KLF8: variants seen among roughly 807,000 people sequenced by gnomAD.
KLF8 encodes the protein KLF transcription factor 8.
A neutral mutation model predicts 18.2 loss-of-function variants in KLF8; 10 were observed. The observed-to-expected ratio is 0.55, with a 90% confidence interval of 0.34 to 0.93. The LOEUF (loss-of-function observed/expected upper bound fraction) is 0.93. Ranked by LOEUF, KLF8 falls within the 40% of genes least tolerant of loss-of-function variation. The probability of loss-of-function intolerance (pLI) is 0.02; values close to 1 mark genes in which losing one functional copy is unlikely to be tolerated. For missense variants in KLF8, 264 were observed against 277.9 expected, an observed-to-expected ratio of 0.95 and a Z score of 0.36; for synonymous variants, 109 against 97.3, an observed-to-expected ratio of 1.12 and a Z score of -0.71.
At chrX:56,042,362 G>A in the KLF8 span, among the ~76,000 whole-genome samples, 1 of 111,363 alleles carries the variant, frequency 9.0e-6, no homozygotes, top group Non-Finnish European at 1.9e-5. Context: ...GATTTGGGGT[G>A]GAGAGTTCTG....
the KLF8 span, among the ~76,000 whole-genome samples, chrX:55,981,963 C>A: frequency 9.0e-6 from 1 of 110,880 alleles, no homozygotes; most frequent in Non-Finnish European, 1.9e-5. Context: ...GGCTTTAGGG[C>A]TTTTTTTCTG....
the KLF8 span, among the ~76,000 whole-genome samples, chrX:56,168,065 A>G: frequency 9.0e-6 from 1 of 111,637 alleles, no homozygotes; most frequent in Non-Finnish European, 1.9e-5. Context: ...AAAGAACACA[A>G]TTTTTTCCAA....
At chrX:56,025,208 C>G in the KLF8 span, among the ~76,000 whole-genome samples, 3 of 112,625 alleles carry the variant, frequency 2.7e-5, no homozygotes, top group African/African-American at 9.7e-5. Context: ...ATCTCAGGTA[C>G]TGGCACATTT....
the KLF8 span, among the ~76,000 whole-genome samples, chrX:56,038,945 A>T: frequency 8.9e-6 from 1 of 111,882 alleles, no homozygotes; most frequent in Non-Finnish European, 1.9e-5. Context: ...TTTCATTTGC[A>T]TTTCTCTAAT....
chrX:56,185,631 C>T, the KLF8 span, among the ~76,000 whole-genome samples: 7 of 111,872 alleles, frequency 6.3e-5, 1 homozygote, highest in African/African-American at 2.3e-4. Context: ...AGAGAAAGGT[C>T]GAGTTACCTA....
chrX:56,175,313 T>C, the KLF8 span, among the ~76,000 whole-genome samples: 1 of 112,101 alleles, frequency 8.9e-6, no homozygotes, highest in Non-Finnish European at 1.9e-5. Flanking sequence ...TTCTTGTTGG[T>C]TTCAAAGAAC....
At chrX:55,945,334 A>T in the KLF8 span, among the ~76,000 whole-genome samples, 2 of 111,336 alleles carry the variant, frequency 1.8e-5, no homozygotes, top group East Asian at 5.6e-4. Context: ...AGTTCTGTAG[A>T]TGCCTATTAG....
chrX:56,085,363 A>C, the KLF8 span, among the ~76,000 whole-genome samples: 1 of 112,228 alleles, frequency 8.9e-6, no homozygotes, highest in Non-Finnish European at 1.9e-5. Context: ...CCAGCAGTGT[A>C]GTTCAAAGGC....
Position 56,235,414 on chromosome X carries a change from T to C in KLF8, c.7+2073T>C, listed in dbSNP as rs746965434. Among the ~76,000 whole-genome samples, 5 of 45,155 alleles carry C rather than the reference T, an allele frequency of 1.1e-4. No individual in the cohort carries two copies. The East Asian group carries it at 4.1e-3, about 37-fold the overall frequency. The allele number at this position is 45,155 out of a possible 115,157, so 39.2% of individuals were successfully genotyped here. A position where few individuals can be genotyped will look rare whatever the true frequency, so the allele number is the denominator to read the frequency against. Reference sequence around the variant, plus strand: ...GTGAGATCATGTTTGGTATTCTTCCTGATTTTTTTTTTTTTTTTTGACACG... The same window carrying C: ...GTGAGATCATGTTTGGTATTCTTCCCGATTTTTTTTTTTTTTTTTGACACG... On this transcript the variant is annotated intron_variant, in intron 1 of 5. Transcript: ENST00000468660.
chrX:56,128,844 A>T, the KLF8 span, among the ~76,000 whole-genome samples: 31 of 112,579 alleles, frequency 2.8e-4, no homozygotes, highest in Non-Finnish European at 4.9e-4. Flanking sequence ...GTTGGTGTGC[A>T]AATGTAGCTG....
At chrX:55,989,088 T>C in the KLF8 span, among the ~76,000 whole-genome samples, 3 of 112,107 alleles carry the variant, frequency 2.7e-5, no homozygotes, top group Admixed American at 1.9e-4. Context: ...CCTATCAGCT[T>C]AAGGAGATTT....
At chrX:55,929,974 G>A in the KLF8 span, among the ~76,000 whole-genome samples, 1 of 110,471 alleles carries the variant, frequency 9.1e-6, no homozygotes, top group East Asian at 2.8e-4. Flanking sequence ...ACCTTGGGCA[G>A]TATGGCCATT....
At chrX:56,054,508 A>G in the KLF8 span, among the ~76,000 whole-genome samples, 2 of 112,084 alleles carry the variant, frequency 1.8e-5, no homozygotes, top group African/African-American at 6.5e-5. Flanking sequence ...AATTATGATT[A>G]CATGATTGAT....
chrX:56,160,294 G>A, the KLF8 span, among the ~76,000 whole-genome samples: 13 of 111,813 alleles, frequency 1.2e-4, no homozygotes, highest in African/African-American at 4.2e-4. Context: ...TTGCTAAGGA[G>A]ACCTTTACTT....
the KLF8 span, among the ~76,000 whole-genome samples, chrX:56,082,860 C>T: frequency 2.7e-5 from 3 of 111,820 alleles, no homozygotes; most frequent in South Asian, 1.1e-3. Flanking sequence ...TATCATTTTG[C>T]TGTCTTCTCG....
chrX:56,185,173 G>T, the KLF8 span, among the ~76,000 whole-genome samples: 1 of 112,101 alleles, frequency 8.9e-6, no homozygotes, highest in Non-Finnish European at 1.9e-5. Context: ...ACGGAGAAGT[G>T]GTTAAAGCAG....
At chrX:56,091,361 C>A in the KLF8 span, among the ~76,000 whole-genome samples, 6 of 110,232 alleles carry the variant, frequency 5.4e-5, no homozygotes, top group South Asian at 8.1e-4. Context: ...TGAGGCCTCC[C>A]CAGCCGTGTG....
the KLF8 span, among the ~76,000 whole-genome samples, chrX:55,971,100 G>A: frequency 3.6e-5 from 4 of 111,120 alleles, no homozygotes; most frequent in African/African-American, 9.8e-5. Context: ...ACCTAGAATA[G>A]CCAAAGTCAT....
At chrX:56,164,729 C>CTTTTTTTTTTTTTTTTT in the KLF8 span, among the ~76,000 whole-genome samples, 1 of 51,920 alleles carries the variant, frequency 1.9e-5, no homozygotes, top group African/African-American at 8.6e-5. Flanking sequence ...CTTGTTATCT[C>CTTTTTTTTTTTTTTTTT]TTTTTTTTTT....
Sources: gnomAD v4.1 joint callset for allele counts (sites outside exome capture counted in the v4.1 genomes callset) on GRCh38, gnomAD v4.1.1 for gene constraint, MANE v1.5 for transcripts, NCBI Gene and HGNC (gene_info 2026-07-23, HGNC 2026-07-21) for gene names.